Variants in CRYBG3 observed in about 807,000 individuals in gnomAD.
The protein encoded by CRYBG3 is crystallin beta-gamma domain containing 3.
CRYBG3 carries 127 observed loss-of-function variants against 244.2 expected under a neutral mutation model. The observed-to-expected ratio is 0.52, with a 90% CI of 0.45 to 0.60. The LOEUF is 0.60. Among genes scored for constraint, CRYBG3 ranks in the 20% least tolerant of loss-of-function variants. CRYBG3 has a pLI of 0.00. For missense variants in CRYBG3, 3,325 were observed against 3,442.5 expected (o/e 0.97, Z 0.85); for synonymous variants, 1,132 against 1,195.8 (o/e 0.95, Z 1.10).
chr3:97,892,556 T>C (rs867216526), intron 10 of CRYBG3, among the ~76,000 whole-genome samples: 1 of 152,172 alleles, frequency 6.6e-6, no homozygotes, highest in African/African-American at 2.4e-5. Context: ...GCATCATTTT[T>C]AGCAAAATTT....
At chr3:97,898,136 C>T (rs746824134) in intron 12 of CRYBG3, among the ~76,000 whole-genome samples, 5 of 150,798 alleles carry the variant, frequency 3.3e-5, no homozygotes, top group African/African-American at 4.9e-5. Flanking sequence ...AGGAGAATGG[C>T]GGAAACCTGG....
At position 97,873,183 on chromosome 3, in the gene CRYBG3, T is replaced by C. The variant is rs1451082551; in HGVS notation, c.1989T>C (p.Val663=). ...CACCTCCTACCTTTGTTTCTGGAGT[T>C]GGGATGCTGAGCAAGTTGGATATTC... ...SISPPTFVSG[V]GMLSKLDIPD... The change falls in exon 4 of 22, where the codon GTT becomes GTC. Residue 663 remains valine, a synonymous_variant. Coordinates refer to ENST00000389622, the MANE Select transcript of CRYBG3 (RefSeq NM_153605.4). 6.5e-7 allele frequency: 1 copy of C among 1,535,914 alleles called. No homozygotes were observed. Among genetic ancestry groups the C allele is most frequent in the South Asian group, 1.2e-5 (1 of 84,052 alleles).
chr3:97,858,626 T>C (rs1422928608), intron 2 of CRYBG3, among the ~76,000 whole-genome samples: 2 of 152,158 alleles, frequency 1.3e-5, no homozygotes, highest in Admixed American at 6.5e-5. Flanking sequence ...GTATAGTTTA[T>C]TCACTGAATT....
chr3:97,886,034 G>A (rs560916941), intron 7 of CRYBG3, among the ~76,000 whole-genome samples: 23 of 152,154 alleles, frequency 1.5e-4, no homozygotes, highest in Non-Finnish European at 2.2e-4. Context: ...TTTTAAGACT[G>A]TGATGGAGTA....
intron 8 of CRYBG3, 29 bp from the exon 9 acceptor site, chr3:97,888,312 A>T: frequency 7.4e-7 from 1 of 1,357,062 alleles, no homozygotes; most frequent in Non-Finnish European, 1.0e-6. Flanking sequence ...GTACTATTAT[A>T]CTTTAACTAA....
intron 17 of CRYBG3, among the ~76,000 whole-genome samples, chr3:97,920,744 G>A (rs781398307): frequency 9.2e-5 from 14 of 152,084 alleles, no homozygotes; most frequent in Non-Finnish European, 1.6e-4. Flanking sequence ...TGGCCAGGCT[G>A]TTCTCAAACT....
chr3:97,860,119 G>A (rs2039125090), intron 2 of CRYBG3, among the ~76,000 whole-genome samples: 1 of 152,100 alleles, frequency 6.6e-6, no homozygotes, highest in Admixed American at 6.6e-5. Context: ...GCTACTCACT[G>A]TTTAGCACCT....
intron 1 of CRYBG3, among the ~76,000 whole-genome samples, chr3:97,827,941 A>G (rs1209152772): frequency 1.3e-5 from 2 of 152,228 alleles, no homozygotes; most frequent in East Asian, 1.9e-4. Flanking sequence ...ATAAAAGACA[A>G]TGGCATGCAG....
chr3:97,928,355 A>C (rs1008099428), intron 17 of CRYBG3, among the ~76,000 whole-genome samples: 2 of 152,006 alleles, frequency 1.3e-5, no homozygotes, highest in African/African-American at 4.8e-5. Context: ...GATAAACATT[A>C]AATACACATG....
intron 15 of CRYBG3, among the ~76,000 whole-genome samples, chr3:97,904,722 C>CT (rs920921185): frequency 2.1e-5 from 3 of 142,144 alleles, no homozygotes; most frequent in Admixed American, 7.0e-5. Context: ...GTTTCTGAGT[C>CT]TTTTTTTTAT....
intron 17 of CRYBG3, among the ~76,000 whole-genome samples, chr3:97,922,070 C>T (rs1443156446): frequency 6.6e-6 from 1 of 152,122 alleles, no homozygotes; most frequent in Non-Finnish European, 1.5e-5. Flanking sequence ...GACAATGATT[C>T]ATTCTGTAGA....
Position 97,872,262 on chromosome 3 carries a change from C to G in CRYBG3, c.1068C>G (p.Tyr356Ter). Residue 356 changes from tyrosine to a stop codon, truncating the protein, a stop_gained, in exon 4 of 22, where the codon TAC (tyrosine) becomes TAG (stop). Transcript: ENST00000389622. LOFTEE classifies it high-confidence loss of function. ...SSPSSVTNSSYDGESDSQHHL... is the reference protein window; with the variant it reads ...SSPSSVTNSS ...CTTCTTCTGTGACTAACTCCAGCTA[C>G]GATGGAGAATCTGACTCACAGCACC... 1 of 1,535,382 alleles carries G rather than the reference C, an allele frequency of 6.5e-7. No homozygotes were observed. Among genetic ancestry groups the G allele is most frequent in the Non-Finnish European group, 8.7e-7 (1 of 1,146,324 alleles).
intron 1 of CRYBG3, chr3:97,836,901 G>C (rs1225430470): frequency 6.6e-6 from 1 of 152,136 alleles, no homozygotes; most frequent in Non-Finnish European, 1.5e-5. Flanking sequence ...AAGCCTCAAG[G>C]TTGGTCTACC....
chr3:97,863,617 TGG>T, intron 2 of CRYBG3, among the ~76,000 whole-genome samples: 1 of 152,280 alleles, frequency 6.6e-6, no homozygotes, highest in African/African-American at 2.4e-5. Flanking sequence ...GCCAGCTTTA[TGG>T]GTTAACACAA....
chr3:97,867,800 A>T (rs1265699010), intron 3 of CRYBG3, among the ~76,000 whole-genome samples: 1 of 152,188 alleles, frequency 6.6e-6, no homozygotes. Context: ...TAAAAATGTG[A>T]TGGTAACTTC....
intron 19 of CRYBG3, 83 bp downstream of exon 19, chr3:97,936,991 T>C: frequency 6.8e-7 from 1 of 1,474,394 alleles, no homozygotes; most frequent in East Asian, 2.3e-5. Context: ...GAAATAATGA[T>C]CATTTAATTT....
chr3:97,850,359 A>G (rs2038967419), intron 2 of CRYBG3, among the ~76,000 whole-genome samples: 1 of 152,222 alleles, frequency 6.6e-6, no homozygotes, highest in African/African-American at 2.4e-5. Context: ...CTTACTTTAA[A>G]TAGTACATAT....
At chr3:97,823,724 A>G (rs1227072275) in intron 1 of CRYBG3, among the ~76,000 whole-genome samples, 2 of 152,248 alleles carry the variant, frequency 1.3e-5, no homozygotes, top group African/African-American at 4.8e-5. Flanking sequence ...CTTGGATAAT[A>G]TGAACGCAGT....
chr3:97,879,027 C>G (rs1362743989), intron 4 of CRYBG3, among the ~76,000 whole-genome samples: 1 of 152,158 alleles, frequency 6.6e-6, no homozygotes, highest in East Asian at 1.9e-4. Context: ...TAGTAATACT[C>G]AAAGACCAAC....
Sources: gnomAD v4.1 joint callset for allele counts (sites outside exome capture counted in the v4.1 genomes callset) on GRCh38, gnomAD v4.1.1 for gene constraint, MANE v1.5 for transcripts, NCBI Gene and HGNC (gene_info 2026-07-23, HGNC 2026-07-21) for gene names.